The following UBR2 variants were observed in gnomAD, a reference collection of about 807,000 sequenced individuals.
UBR2 encodes ubiquitin protein ligase E3 component n-recognin 2.
Under a neutral mutation model 247.9 loss-of-function variants are expected in UBR2, and 92 were observed. The observed-to-expected ratio is 0.37, with a 90% confidence interval of 0.31 to 0.44. The LOEUF (loss-of-function observed/expected upper bound fraction) is 0.44, where lower values mean the gene tolerates loss of function less well. UBR2 is among the 20% of genes least tolerant of loss of function. UBR2 has a pLI of 1.00. For synonymous variants in UBR2, 672 were observed against 693.5 expected (o/e 0.97, Z 0.49); for missense variants, 1,613 against 2,112.6 (o/e 0.76, Z 4.64).
rs754854912 is a variant in UBR2 at position 42,612,295 on chromosome 6, GGTTCATAAAA to G, written c.985+11_985+20del. 1 of 1,496,006 alleles carries G rather than the reference GGTTCATAAAA, an allele frequency of 6.7e-7. No individual in the cohort carries two copies. The highest frequency in any genetic ancestry group is 1.8e-4 in the Middle Eastern group (1 of 5,564). 92.7% of individuals were successfully genotyped at this position (1,496,006 alleles called of 1,614,324 possible). A position where few individuals can be genotyped will look rare whatever the true frequency, so the allele number is the denominator to read the frequency against. On this transcript the variant is annotated splice_donor_5th_base_variant and intron_variant, in intron 8 of 46. Coordinates refer to ENST00000372901, the MANE Select transcript of UBR2 (RefSeq NM_001363705.2). ...GGAAGTATTATTGGATATTCAGGTA[GGTTCATAAAA>G]GTTCATGCCAATTGTCTATTAAAAA...
intron 10 of UBR2, 186 bp from the exon 11 acceptor site, chr6:42,617,223 T>TC (rs777836705): frequency 2.4e-5 from 38 of 1,611,306 alleles, no homozygotes; most frequent in Non-Finnish European, 3.1e-5. Context: ...GAGGTGAATC[T>TC]CCCCCTTGTT....
chr6:42,624,303 A>AC (rs1554253359), intron 11 of UBR2, among the ~76,000 whole-genome samples: 6 of 138,148 alleles, frequency 4.3e-5, no homozygotes, highest in African/African-American at 1.6e-4. Context: ...CACTTGGCTA[A>AC]TTTTTTTTTT....
chr6:42,642,308 T>A (rs1224326212), intron 17 of UBR2, 108 bp from the exon 18 acceptor site: 1 of 715,424 alleles, frequency 1.4e-6, no homozygotes, highest in Admixed American at 2.6e-5. Flanking sequence ...AGAAACCACA[T>A]CACACACATG....
rs1562310782 is a variant in UBR2 at position 42,614,205 on chromosome 6, A to AAATATAT, written c.986-866_986-865insAATATAT. Among the ~76,000 whole-genome samples, 9 of 26,612 alleles carry AAATATAT rather than the reference A, an allele frequency of 3.4e-4. 1 individual carries two copies. The highest frequency in any genetic ancestry group is 8.0e-4 in the African/African-American group (5 of 6,254). 17.5% of individuals were successfully genotyped at this position (26,612 alleles called of 152,430 possible). On this transcript the variant is annotated intron_variant, in intron 8 of 46. Transcript: ENST00000372901. ...AAAAAAAAAAAAAAAAAAAAAAAAA[A>AAATATAT]CTATATATATATACACACACACACA...
intron 21 of UBR2, among the ~76,000 whole-genome samples, chr6:42,647,374 G>A (rs1372571694): frequency 3.5e-5 from 5 of 140,910 alleles, no homozygotes; most frequent in Admixed American, 7.6e-5. Context: ...GAAGTCAGGA[G>A]TTTAAGACCA....
intron 14 of UBR2, 117 bp from the exon 15 acceptor site, chr6:42,636,894 A>G: frequency 9.3e-7 from 1 of 1,073,348 alleles, no homozygotes; most frequent in Non-Finnish European, 1.3e-6. Context: ...GGGAGGATTG[A>G]GTTTGGTTTT....
chr6:42,628,395 C>T (rs983555942), intron 11 of UBR2, among the ~76,000 whole-genome samples: 1 of 152,066 alleles, frequency 6.6e-6, no homozygotes, highest in African/African-American at 2.4e-5. Flanking sequence ...AATTACCTTA[C>T]AATTAACACA....
chr6:42,620,995 G>GTTTT (rs938022395), intron 11 of UBR2, among the ~76,000 whole-genome samples: 5 of 152,076 alleles, frequency 3.3e-5, no homozygotes, highest in African/African-American at 9.6e-5. Context: ...TTGTTTGTTT[G>GTTTT]TATTTTTAGT....
chr6:42,640,383 G>GGT (rs61668810), intron 16 of UBR2, 113 bp downstream of exon 16: 10,755 of 171,386 alleles, frequency 0.063, 199 homozygotes, highest in African/African-American at 0.15. Flanking sequence ...GAACCAGTAA[G>GGT]GTGTGTGTGT....
In UBR2 at chr6:42,592,201, G is replaced by C; in HGVS notation, c.389G>C (p.Gly130Ala). ...GTTTTGTGCATGGAGTGCTTTTTGG[G>C]AAGTATTCACAGAGATCATCGATAT... ...TCVLCMECFL[G>A]SIHRDHRYRM... The change falls in exon 3 of 47, where the codon GGA becomes GCA. Residue 130 changes from glycine to alanine, a missense_variant. By Grantham distance (60) the Gly-to-Ala change is moderately conservative. This residue lies in a region of UBR2 where 1,524 missense variants were observed against 1,967.3 expected (regional missense o/e 0.77). Coordinates refer to ENST00000372901, the MANE Select transcript of UBR2 (RefSeq NM_001363705.2). 1 of 1,597,910 alleles carries C rather than the reference G, an allele frequency of 6.3e-7. No homozygotes were observed. The highest frequency in any genetic ancestry group is 8.5e-7 in the Non-Finnish European group (1 of 1,175,390).
At chr6:42,578,358 C>T (rs1284409853) in intron 2 of UBR2, among the ~76,000 whole-genome samples, 1 of 152,162 alleles carries the variant, frequency 6.6e-6, no homozygotes, top group Non-Finnish European at 1.5e-5. Flanking sequence ...AAATTATGAT[C>T]TTACCCAAAT....
At chr6:42,662,324 T>C in intron 31 of UBR2, 47 bp downstream of exon 31, 1 of 1,213,768 alleles carries the variant, frequency 8.2e-7, no homozygotes, top group Non-Finnish European at 1.2e-6. Context: ...ATCTAAGGGC[T>C]CAATATTTTT....
At chr6:42,614,093 C>T (rs1441551249) in intron 8 of UBR2, among the ~76,000 whole-genome samples, 17 of 145,992 alleles carry the variant, frequency 1.2e-4, no homozygotes, top group Non-Finnish European at 1.9e-4. Flanking sequence ...ACAGGAATTG[C>T]GTGAACCCAG....
chr6:42,587,501 G>A (rs1240104793), intron 2 of UBR2, among the ~76,000 whole-genome samples: 2 of 151,988 alleles, frequency 1.3e-5, no homozygotes, highest in Non-Finnish European at 2.9e-5. Flanking sequence ...GAGACTACAG[G>A]TGCATGCTGC....
At chr6:42,662,736 A>T (rs748069521) in intron 31 of UBR2, among the ~76,000 whole-genome samples, 6 of 152,202 alleles carry the variant, frequency 3.9e-5, no homozygotes, top group Non-Finnish European at 8.8e-5. Context: ...AAAACCAACA[A>T]ATCAATAATA....
At chr6:42,627,078 C>T (rs780846086) in intron 11 of UBR2, among the ~76,000 whole-genome samples, 20 of 152,144 alleles carry the variant, frequency 1.3e-4, no homozygotes, top group Non-Finnish European at 2.5e-4. Flanking sequence ...AATCAGCCAC[C>T]CCAACAATTT....
At chr6:42,675,181 A>T (rs900186841) in intron 38 of UBR2, among the ~76,000 whole-genome samples, 2 of 152,190 alleles carry the variant, frequency 1.3e-5, no homozygotes, top group Non-Finnish European at 2.9e-5. Context: ...TACTGTTCTC[A>T]TTGCTGCAAC....
chr6:42,622,441 C>G (rs1301345335), intron 11 of UBR2, among the ~76,000 whole-genome samples: 7 of 146,416 alleles, frequency 4.8e-5, no homozygotes, highest in Admixed American at 4.8e-4. Context: ...TCACTCTGTT[C>G]CCCACGCTGG....
intron 42 of UBR2, among the ~76,000 whole-genome samples, chr6:42,680,757 A>G (rs779500839): frequency 1.3e-5 from 2 of 152,318 alleles, no homozygotes; most frequent in African/African-American, 4.8e-5. Flanking sequence ...TGCAAACTAC[A>G]TATCTGATAA....
Sources: allele counts gnomAD v4.1 joint callset (sites outside exome capture counted in the v4.1 genomes callset), GRCh38; gene constraint gnomAD v4.1.1; regional missense constraint gnomAD v4.1.1; transcripts MANE v1.5; gene names NCBI Gene and HGNC (gene_info 2026-07-23, HGNC 2026-07-21).